The following CHFR variants were observed in gnomAD, a reference collection of about 807,000 sequenced individuals.
CHFR encodes checkpoint with forkhead and ring finger domains, also known as E3 ubiquitin-protein ligase CHFR.
A neutral mutation model predicts 87.6 loss-of-function variants in CHFR; 57 were observed. The observed-to-expected ratio is 0.65, with a 90% CI of 0.53 to 0.81. CHFR has a LOEUF of 0.81. CHFR is among the 30% of genes least tolerant of loss of function. The probability of loss-of-function intolerance (pLI) is 0.00; values close to 1 mark genes in which losing one functional copy is unlikely to be tolerated. For synonymous variants in CHFR, 381 were observed against 359.2 expected, an observed-to-expected ratio of 1.06 and a Z score of -0.69; for missense variants, 797 against 865.8, an observed-to-expected ratio of 0.92 and a Z score of 1.00.
At chr12:132,860,784 T>G (rs1233223859) in intron 7 of CHFR, among the ~76,000 whole-genome samples, 1 of 152,228 alleles carries the variant, frequency 6.6e-6, no homozygotes, top group Non-Finnish European at 1.5e-5. Flanking sequence ...TGGAGTTTTG[T>G]TCTTGTTGCC....
chr12:132,869,615 TCAC>T lies in CHFR; in HGVS notation c.583+1_583+3del. On this transcript the variant is annotated splice_donor_variant and splice_donor_region_variant and intron_variant, in intron 6 of 17. Coordinates refer to ENST00000450056, the MANE Select transcript of CHFR (RefSeq NM_001161346.2). LOFTEE classifies it high-confidence loss of function. ...CACCAAGACCTCATGAGATGTGACC[TCAC>T]CACAACTGGAGGAACGCTCTCGCCC... 6.4e-7 allele frequency: 1 copy of T among 1,551,346 alleles called. No homozygotes were observed. The highest frequency in any genetic ancestry group is 8.7e-7 in the Non-Finnish European group (1 of 1,146,808).
intron 12 of CHFR, among the ~76,000 whole-genome samples, chr12:132,850,794 C>A (rs933559780): frequency 1.3e-5 from 2 of 152,004 alleles, no homozygotes; most frequent in African/African-American, 4.8e-5. Flanking sequence ...CGGTGCTCAA[C>A]AGGGCTAGGG....
chr12:132,868,376 G>C (rs1431152906), intron 6 of CHFR, among the ~76,000 whole-genome samples: 1 of 151,752 alleles, frequency 6.6e-6, no homozygotes, highest in South Asian at 2.1e-4. Context: ...TGTAGTCCCA[G>C]CTACTCAGAG....
At position 132,881,056 on chromosome 12, in the gene CHFR, C is replaced by G. The variant is rs570333217; in HGVS notation, c.134-3402G>C. On this transcript the variant is annotated intron_variant, in intron 2 of 17. Transcript: ENST00000450056. The stretch of plus-strand genomic sequence containing the variant: ...CCAAGGCGGGCGGATCACTTCAGAC[C>G]AGGACTTCGAGACCAGCCTGGCCAA... Among the ~76,000 whole-genome samples, 225 of 152,058 alleles carry G rather than the reference C, an allele frequency of 1.5e-3. 1 individual carries two copies. The highest frequency in any genetic ancestry group is 2.6e-3 in the Non-Finnish European group (174 of 67,958).
chr12:132,869,475 C>T, intron 6 of CHFR, 144 bp downstream of exon 6: 1 of 688,498 alleles, frequency 1.5e-6, no homozygotes, highest in East Asian at 2.7e-5. Flanking sequence ...ACAACACACT[C>T]AATATTGACT....
intron 1 of CHFR, 60 bp from the exon 2 acceptor site, chr12:132,887,400 C>G (rs1244207700): frequency 2.5e-6 from 3 of 1,191,480 alleles, no homozygotes; most frequent in East Asian, 3.4e-5. Context: ...AGACTCGGCG[C>G]CCGCCCCACC....
At chr12:132,850,254 A>G in intron 12 of CHFR, among the ~76,000 whole-genome samples, 1 of 147,186 alleles carries the variant, frequency 6.8e-6, no homozygotes, top group East Asian at 1.9e-4. Flanking sequence ...TATACAATGG[A>G]AATCCCTAAA....
intron 16 of CHFR, 108 bp downstream of exon 16, chr12:132,843,919 A>T: frequency 1.5e-6 from 1 of 664,610 alleles, no homozygotes. Flanking sequence ...ACTGCACTCC[A>T]GCCTGGGCAA....
rs555351800 is a variant in CHFR, at chr12:132,846,341, C to CAATT, written c.1735+701_1735+702insAATT. ...GCAGTGGCGTGATTTTGGCTCACTG[C>CAATT]AAGCTCCGCCTCCCGGGTTCACGCC... On this transcript the variant is annotated intron_variant, in intron 15 of 17. Transcript: ENST00000450056. Among the ~76,000 whole-genome samples the CAATT allele has an allele frequency of 4.3e-3, 651 of 149,814 alleles. 3 individuals are homozygous for CAATT. The highest frequency in any genetic ancestry group is 0.015 in the African/African-American group (613 of 40,922).
In CHFR at chr12:132,839,116, G is replaced by A. The variant is rs1343274450; in HGVS notation, c.*2438C>T. 1 of 152,384 alleles carries A rather than the reference G, an allele frequency of 6.6e-6. No individual in the cohort carries two copies. Among genetic ancestry groups the A allele is most frequent in the Non-Finnish European group, 1.5e-5 (1 of 68,152 alleles). The allele number at this position is 152,384 out of a possible 1,614,324, so 9.4% of individuals were successfully genotyped here. ...CTGCCCTTCCTGGACAGGTGCAGCT[G>A]GTCCTGAGGAAAGACCAGCATCCTC... is the stretch of plus-strand genomic sequence containing the variant. On this transcript the variant is annotated 3_prime_UTR_variant, in exon 18 of 18. Coordinates refer to ENST00000450056, the MANE Select transcript of CHFR (RefSeq NM_001161346.2).
At chr12:132,857,261 G>A in intron 9 of CHFR, 144 bp downstream of exon 9, 2 of 831,634 alleles carry the variant, frequency 2.4e-6, no homozygotes, top group Non-Finnish European at 3.8e-6. Flanking sequence ...CTGGTGGAGG[G>A]ACCACCCTCA....
chr12:132,881,906 T>A (rs1385308600), intron 2 of CHFR, among the ~76,000 whole-genome samples: 1 of 144,342 alleles, frequency 6.9e-6, no homozygotes, highest in Non-Finnish European at 1.5e-5. Flanking sequence ...CACCTACAAG[T>A]GGCCAAAAGG....
rs1424362326 is a variant in CHFR, at chr12:132,837,256, G to A, written c.*4298C>T. The A allele has an allele frequency of 5.4e-6, 1 of 186,260 alleles. No individual in the cohort carries two copies. Among genetic ancestry groups the A allele is most frequent in the Non-Finnish European group, 1.1e-5 (1 of 88,242 alleles). 11.5% of individuals were successfully genotyped at this position (186,260 alleles called of 1,614,324 possible). A position where few individuals can be genotyped will look rare whatever the true frequency, so the allele number is the denominator to read the frequency against. ...GTAATAAACCACCCCAAATGCAGTG[G>A]CTTAAACAACTACTTATTTCTCATG... On this transcript the variant is annotated 3_prime_UTR_variant, in exon 18 of 18. Coordinates refer to ENST00000450056, the MANE Select transcript of CHFR (RefSeq NM_001161346.2).
At chr12:132,845,571 G>A (rs77719222) in intron 15 of CHFR, among the ~76,000 whole-genome samples, 31,180 of 152,094 alleles carry the variant, frequency 0.21, 4,139 homozygotes, top group Non-Finnish European at 0.3. Flanking sequence ...GATCTCTTGA[G>A]CCCAGGAGGT....
rs898613434 is a variant in CHFR at position 132,836,809 on chromosome 12, T to C, written c.*4745A>G. On this transcript the variant is annotated 3_prime_UTR_variant, in exon 18 of 18. Coordinates refer to ENST00000450056, the MANE Select transcript of CHFR (RefSeq NM_001161346.2). The stretch of plus-strand genomic sequence containing the variant: ...GCCCAGGGGACGGCTCATCAGCTCA[T>C]CAGACCTTCACCGTTCAGTAGCCAA... The C allele has an allele frequency of 2.4e-5, 11 of 455,380 alleles. No individual in the cohort carries two copies. The highest frequency in any genetic ancestry group is 4.4e-5 in the Non-Finnish European group (10 of 226,506). The allele number at this position is 455,380 out of a possible 1,614,324, so 28.2% of individuals were successfully genotyped here. A position where few individuals can be genotyped will look rare whatever the true frequency, so the allele number is the denominator to read the frequency against.
chr12:132,871,277 C>A (rs1216787998), intron 4 of CHFR, among the ~76,000 whole-genome samples: 2 of 151,842 alleles, frequency 1.3e-5, no homozygotes, highest in African/African-American at 4.8e-5. Context: ...CACGGCGAAA[C>A]CCTGTCTGTA....
At chr12:132,857,840 T>C (rs559246989) in intron 8 of CHFR, among the ~76,000 whole-genome samples, 1 of 152,342 alleles carries the variant, frequency 6.6e-6, no homozygotes, top group African/African-American at 2.4e-5. Flanking sequence ...TTGTCACTCT[T>C]GAGTTCCCGC....
At chr12:132,886,819 T>C (rs1951905069) in intron 2 of CHFR, among the ~76,000 whole-genome samples, 1 of 152,242 alleles carries the variant, frequency 6.6e-6, no homozygotes, top group Admixed American at 6.5e-5. Flanking sequence ...AAGACTTATT[T>C]GACCCACCGG....
intron 12 of CHFR, 146 bp downstream of exon 12, chr12:132,851,472 T>A: frequency 1.1e-6 from 1 of 894,406 alleles, no homozygotes; most frequent in Non-Finnish European, 1.6e-6. Context: ...TTCAATATGG[T>A]GACGTGGGGA....
Sources: gnomAD v4.1 joint callset for allele counts (sites outside exome capture counted in the v4.1 genomes callset) on GRCh38, gnomAD v4.1.1 for gene constraint, MANE v1.5 for transcripts, NCBI Gene and HGNC (gene_info 2026-07-23, HGNC 2026-07-21) for gene names.